Variants in PCDHGB1 observed in about 807,000 individuals in gnomAD.
PCDHGB1 encodes protocadherin gamma subfamily B, 1.
In PCDHGB1, 34 loss-of-function variants were observed where a neutral mutation model predicts 56.6. The observed-to-expected ratio is 0.60, with a 90% CI of 0.46 to 0.80. PCDHGB1 has a LOEUF of 0.80. PCDHGB1 is among the 30% of genes least tolerant of loss of function. The pLI is 0.00. For synonymous variants in PCDHGB1, 561 were observed against 505.9 expected, an observed-to-expected ratio of 1.11 and a Z score of -1.46; for missense variants, 1,278 against 1,204.6, an observed-to-expected ratio of 1.06 and a Z score of -0.90.
chr5:141,433,408 A>ATCTATCTATCT (rs1413347413), intron 1 of PCDHGB1, among the ~76,000 whole-genome samples: 6 of 127,280 alleles, frequency 4.7e-5, no homozygotes, highest in African/African-American at 1.8e-4. Context: ...TCTATCTATT[A>ATCTATCTATCT]CTTTCTTGTA....
chr5:141,415,740 GTTTTTTTTTTTTTTTTTT>G (rs57426385), intron 1 of PCDHGB1: 9 of 625,028 alleles, frequency 1.4e-5, no homozygotes, highest in African/African-American at 5.0e-5. Flanking sequence ...GTTTATTAAG[GTTTTTTTTTTTTTTTTTT>G]TTTTTTTTTT....
At chr5:141,405,206 A>G in intron 1 of PCDHGB1, 1 of 1,613,648 alleles carries the variant, frequency 6.2e-7, no homozygotes, top group Non-Finnish European at 8.5e-7. Flanking sequence ...TTTCCTACAG[A>G]CCTATTCTCA....
At chr5:141,375,835 C>G (rs772317330) in intron 1 of PCDHGB1, 1 of 1,613,984 alleles carries the variant, frequency 6.2e-7, no homozygotes, top group African/African-American at 1.3e-5. Context: ...CCGCAGAGCC[C>G]GGCTACCTGG....
chr5:141,365,679 C>T lies in PCDHGB1; in HGVS notation c.2409+13010C>T, dbSNP rs1056119767. The T allele has an allele frequency of 1.2e-5, 19 of 1,613,416 alleles. No individual in the cohort carries two copies. The highest frequency in any genetic ancestry group is 1.4e-5 in the Non-Finnish European group (17 of 1,179,808). On this transcript the variant is annotated intron_variant, in intron 1 of 3. Transcript: ENST00000523390. ...GTAGCAGACGTTAATGACAACCCAC[C>T]CAATTTCCCTCAAGCCTCCTACTCC...
In PCDHGB1 at chr5:141,431,357, C is replaced by G. The variant is rs762220618; in HGVS notation, c.2410-63450C>G. 1.9e-5 allele frequency: 31 copies of G among 1,613,926 alleles called. No homozygotes were observed. Among genetic ancestry groups the G allele is most frequent in the Non-Finnish European group, 2.2e-5 (26 of 1,180,046 alleles). On this transcript the variant is annotated intron_variant, in intron 1 of 3. Coordinates refer to ENST00000523390, the MANE Select transcript of PCDHGB1 (RefSeq NM_018922.3). The surrounding 1 kb of genome is among the most constrained non-coding windows in gnomAD (Gnocchi z 4.8). ...CCCCGAATTGGTGCTGAAACGCGCC[C>G]TGGACCGCGAAGAAAAGGCTGCTCA...
rs1446853595 is a variant in PCDHGB1 at position 141,491,363 on chromosome 5, C to A, written c.2410-3444C>A. The A allele has an allele frequency of 1.2e-6, 2 of 1,614,182 alleles. No homozygotes were observed. Among genetic ancestry groups the A allele is most frequent in the South Asian group, 2.2e-5 (2 of 91,082 alleles). On this transcript the variant is annotated intron_variant, in intron 1 of 3. Coordinates refer to ENST00000523390, the MANE Select transcript of PCDHGB1 (RefSeq NM_018922.3). The surrounding 1 kb of genome is among the most constrained non-coding windows in gnomAD (Gnocchi z 6.9). ...ACCGTCAGTCTCTTATCCCTAGTCA[C>A]CTTCACCTTTCTGTCAGCGAAGTGC...
At chr5:141,407,429 C>T (rs2094929018) in intron 1 of PCDHGB1, among the ~76,000 whole-genome samples, 1 of 151,532 alleles carries the variant, frequency 6.6e-6, no homozygotes, top group Admixed American at 6.6e-5. Flanking sequence ...ATGTCTCTTG[C>T]CCTTAAAACC....
rs779718690 is a variant in PCDHGB1, at chr5:141,421,727, C to G, written c.2409+69058C>G. ...AGGGATCCAGATGTGGGCGTGAACT[C>G]CCTCCAGAGCTACCAGCTCAGCCCT... On this transcript the variant is annotated intron_variant, in intron 1 of 3. Coordinates refer to ENST00000523390, the MANE Select transcript of PCDHGB1 (RefSeq NM_018922.3). The G allele has an allele frequency of 1.9e-6, 3 of 1,613,916 alleles. No individual in the cohort carries two copies. In the East Asian group the frequency reaches 6.7e-5, roughly 36 times the overall value.
chr5:141,421,709 C>T, intron 1 of PCDHGB1: 1 of 1,613,926 alleles, frequency 6.2e-7, no homozygotes, highest in Non-Finnish European at 8.5e-7. Flanking sequence ...GCTAGGGATC[C>T]AGATGTGGGC....
chr5:141,370,632 G>A (rs1393089776), intron 1 of PCDHGB1: 15 of 1,613,802 alleles, frequency 9.3e-6, no homozygotes, highest in Non-Finnish European at 1.3e-5. Context: ...CGTGAGCCCC[G>A]AAAATGGGAA....
intron 1 of PCDHGB1, among the ~76,000 whole-genome samples, chr5:141,448,115 T>A (rs62379166): frequency 0.025 from 3,743 of 151,768 alleles, 65 homozygotes; most frequent in Middle Eastern, 0.086. Flanking sequence ...GAAAAGAAAA[T>A]TAGCCTCCCC....
At chr5:141,370,927 T>A in intron 1 of PCDHGB1, 2 of 1,613,940 alleles carry the variant, frequency 1.2e-6, no homozygotes, top group Non-Finnish European at 1.7e-6. Context: ...GATCCGCACT[T>A]CTCTTTGATT....
At chr5:141,393,746 A>G (rs1167040701) in intron 1 of PCDHGB1, 6 of 1,613,800 alleles carry the variant, frequency 3.7e-6, no homozygotes, top group South Asian at 1.1e-5. Context: ...ATTATGAAGA[A>G]TGTTCATTTT....
intron 1 of PCDHGB1, chr5:141,393,852 G>A (rs780721020): frequency 3.1e-6 from 5 of 1,614,004 alleles, no homozygotes; most frequent in South Asian, 1.1e-5. Flanking sequence ...TAGACCAGAA[G>A]TGATCATTAC....
At chr5:141,374,673 A>AC (rs753936532) in intron 1 of PCDHGB1, 1 of 1,610,972 alleles carries the variant, frequency 6.2e-7, no homozygotes, top group Admixed American at 1.7e-5. Flanking sequence ...CTGGTGCTGG[A>AC]GGGCACACTG....
chr5:141,509,046 C>T (rs1442220429), intron 3 of PCDHGB1, among the ~76,000 whole-genome samples: 1 of 152,160 alleles, frequency 6.6e-6, no homozygotes, highest in Non-Finnish European at 1.5e-5. Flanking sequence ...CTCTCCCCCG[C>T]CCCCAGAAAG....
intron 1 of PCDHGB1, 124 bp from the exon 2 acceptor site, chr5:141,494,683 C>G: frequency 6.4e-7 from 1 of 1,569,074 alleles, no homozygotes; most frequent in Non-Finnish European, 8.7e-7. Context: ...CCCCTGCCCC[C>G]TCTTAGTCCG....
Position 141,372,663 on chromosome 5 carries a change from G to A in PCDHGB1, c.2409+19994G>A, listed in dbSNP as rs971560361. 2.5e-6 allele frequency: 4 copies of A among 1,613,876 alleles called. No homozygotes were observed. In the African/African-American group the frequency reaches 5.3e-5, roughly 22 times the overall value. On this transcript the variant is annotated intron_variant, in intron 1 of 3. Coordinates refer to ENST00000523390, the MANE Select transcript of PCDHGB1 (RefSeq NM_018922.3). ...GCCTTATTCCTACAATCCGTGTGCT[G>A]CCTCACATTCCTCAAACACCGAGTT...
At chr5:141,371,868 G>C (rs755178809) in intron 1 of PCDHGB1, 2 of 1,613,510 alleles carry the variant, frequency 1.2e-6, no homozygotes, top group Non-Finnish European at 8.5e-7. Flanking sequence ...CTACTACATC[G>C]TGGCCAGTGA....
Sources: allele counts gnomAD v4.1 joint callset (sites outside exome capture counted in the v4.1 genomes callset), GRCh38; gene constraint gnomAD v4.1.1; non-coding constraint Gnocchi (gnomAD v3.1); transcripts MANE v1.5; gene names NCBI Gene and HGNC (gene_info 2026-07-23, HGNC 2026-07-21).